PRKAR1B: variants seen among roughly 807,000 people sequenced by gnomAD.
PRKAR1B encodes the protein protein kinase cAMP-dependent type I regulatory subunit beta.
A neutral mutation model predicts 46.5 loss-of-function variants in PRKAR1B; 22 were observed. The observed-to-expected ratio is 0.47, with a 90% CI of 0.34 to 0.68. The LOEUF (loss-of-function observed/expected upper bound fraction) is 0.68. PRKAR1B is among the 30% of genes least tolerant of loss of function. PRKAR1B has a pLI of 0.01. For missense variants in PRKAR1B, 445 were observed against 535.6 expected, an observed-to-expected ratio of 0.83 and a Z score of 1.67; for synonymous variants, 259 against 217.7, an observed-to-expected ratio of 1.19 and a Z score of -1.67.
rs763428499 is a variant in PRKAR1B at position 550,552 on chromosome 7, G to A, written c.1024C>T (p.Arg342Trp). 1.9e-5 allele frequency: 31 copies of A among 1,600,408 alleles called. No homozygotes were observed. Among genetic ancestry groups the A allele is most frequent in the South Asian group, 3.3e-5 (3 of 89,570 alleles). ...NRPRAATVVARGPLKCVKLDR... is the reference protein window; with the variant it reads ...NRPRAATVVAWGPLKCVKLDR... ...AGCTTCACACACTTGAGGGGCCCCC[G>A]GGCCACGACAGTGGCCGCCCGGGGC... Residue 342 changes from arginine to tryptophan, a missense_variant, in exon 11 of 11, where the codon CGG becomes TGG. Physicochemically the swap from Arg to Trp is moderately radical, Grantham distance 101. This residue lies in a region of PRKAR1B where 127 missense variants were observed against 138.0 expected (regional missense o/e 0.92). Transcript: ENST00000537384.
Position 666,391 on chromosome 7 carries a change from C to T in PRKAR1B, c.440+10838G>A, listed in dbSNP as rs1471954309. 6.6e-6 allele frequency among the ~76,000 whole-genome samples: 1 copy of T among 152,294 alleles called. No individual in the cohort carries two copies. Among genetic ancestry groups the T allele is most frequent in the African/African-American group, 2.4e-5 (1 of 41,568 alleles). ...TTCCTGAGGCTGCTGAGGTCCCTGG[C>T]CGAGGCGTAACTGCCCCGGGCACCC... is the stretch of plus-strand genomic sequence containing the variant. On this transcript the variant is annotated intron_variant, in intron 4 of 10. Transcript: ENST00000537384. This position sits in a 1 kb window ranked among gnomAD's most constrained non-coding sequence, Gnocchi z 4.9.
intron 1 of PRKAR1B, chr7:716,686 A>G (rs572710373): frequency 2.0e-5 from 3 of 152,230 alleles, no homozygotes; most frequent in African/African-American, 7.2e-5. Flanking sequence ...TCTGGGGTGC[A>G]GAAAGGAAAC....
intron 4 of PRKAR1B, among the ~76,000 whole-genome samples, chr7:623,191 C>A (rs140789918): frequency 2.3e-3 from 346 of 152,306 alleles, no homozygotes; most frequent in African/African-American, 7.8e-3. Context: ...CCAAAAAATT[C>A]TCTCTAAATA....
intron 2 of PRKAR1B, among the ~76,000 whole-genome samples, chr7:695,718 T>C (rs901419344): frequency 5.3e-5 from 8 of 151,880 alleles, no homozygotes; most frequent in South Asian, 2.1e-4. Context: ...GGCTGGAGTG[T>C]AGTGGCGTGA....
chr7:656,450 T>C (rs1187153976), intron 4 of PRKAR1B, among the ~76,000 whole-genome samples: 7 of 152,182 alleles, frequency 4.6e-5, no homozygotes, highest in African/African-American at 1.7e-4. Context: ...GGTGAATGAA[T>C]GAGTGGATAA....
chr7:716,390 TC>T (rs1780886107), intron 1 of PRKAR1B, among the ~76,000 whole-genome samples: 1 of 151,996 alleles, frequency 6.6e-6, no homozygotes. Flanking sequence ...ACCACATACC[TC>T]GCACTTCTAA....
intron 4 of PRKAR1B, among the ~76,000 whole-genome samples, chr7:661,001 C>T (rs1386976658): frequency 2.7e-5 from 2 of 74,676 alleles, no homozygotes; most frequent in South Asian, 7.1e-4. Context: ...ATCCAAATAC[C>T]TACTCTCCCC....
chr7:567,918 C>T (rs1275521306), intron 9 of PRKAR1B, among the ~76,000 whole-genome samples: 1 of 152,058 alleles, frequency 6.6e-6, no homozygotes, highest in Non-Finnish European at 1.5e-5. Flanking sequence ...GACAGAGCTT[C>T]AGCCTGGGAA....
intron 6 of PRKAR1B, among the ~76,000 whole-genome samples, chr7:601,038 G>A (rs899513681): frequency 6.6e-6 from 1 of 152,180 alleles, no homozygotes; most frequent in Non-Finnish European, 1.5e-5. Flanking sequence ...GCTGGTCAGA[G>A]GGCAGCGTCC....
intron 4 of PRKAR1B, among the ~76,000 whole-genome samples, chr7:609,809 C>T (rs1035833557): frequency 6.6e-6 from 1 of 152,060 alleles, no homozygotes; most frequent in Non-Finnish European, 1.5e-5. Context: ...GGTGCGATCA[C>T]AGCTCACCGC....
At chr7:614,404 C>A (rs753286430) in intron 4 of PRKAR1B, among the ~76,000 whole-genome samples, 6 of 152,170 alleles carry the variant, frequency 3.9e-5, no homozygotes, top group African/African-American at 7.2e-5. Context: ...TGAACTTCAC[C>A]GCCACAGGCC....
intron 4 of PRKAR1B, among the ~76,000 whole-genome samples, chr7:673,796 G>A (rs73256219): frequency 3.5e-4 from 53 of 152,322 alleles, no homozygotes; most frequent in African/African-American, 1.2e-3. Context: ...GAAACGTATC[G>A]TCTCTGCAGT....
rs938764519 is a variant in PRKAR1B, at chr7:602,859, C to A, written c.549+3334G>T. 6.6e-6 allele frequency among the ~76,000 whole-genome samples: 1 copy of A among 152,142 alleles called. No homozygotes were observed. On this transcript the variant is annotated intron_variant, in intron 6 of 10. Coordinates refer to ENST00000537384, the MANE Select transcript of PRKAR1B (RefSeq NM_001164760.2). This position sits in a 1 kb window ranked among gnomAD's most constrained non-coding sequence, Gnocchi z 6.4. ...ATATGGAAATGGCACGGCTCAGCCA[C>A]ACAAGGGCCTGGGCAAAGGTCACGG...
chr7:616,250 G>C (rs1310861440), intron 4 of PRKAR1B, among the ~76,000 whole-genome samples: 1 of 152,226 alleles, frequency 6.6e-6, no homozygotes, highest in South Asian at 2.1e-4. Flanking sequence ...CTGACAAAAC[G>C]AGGTCACTCC....
rs1463200074 is a variant in PRKAR1B, at chr7:595,822, TCCATCA to T, written c.708+318_708+323del. 5.3e-5 allele frequency among the ~76,000 whole-genome samples: 8 copies of T among 152,140 alleles called. No individual in the cohort carries two copies. In the East Asian group the frequency reaches 1.3e-3, roughly 26 times the overall value. On this transcript the variant is annotated intron_variant, in intron 7 of 10. Coordinates refer to ENST00000537384, the MANE Select transcript of PRKAR1B (RefSeq NM_001164760.2). ...AACCACGCTCCTCACACCTCTTTGC[TCCATCA>T]CCATGGTGAGTGGGTTTCACGCTCA...
rs190198424 is a variant in PRKAR1B, at chr7:646,654, G to A, written c.440+30575C>T. Among the ~76,000 whole-genome samples the A allele has an allele frequency of 8.3e-3, 1,257 of 152,240 alleles. 16 individuals are homozygous for A. Among genetic ancestry groups the A allele is most frequent in the Middle Eastern group, 0.054 (16 of 294 alleles). ...AAACATCACTTAGAAATGGCTTCAC[G>A]CTTCTCCCTCTGAACCCCTGAACTC... On this transcript the variant is annotated intron_variant, in intron 4 of 10. Coordinates refer to ENST00000537384, the MANE Select transcript of PRKAR1B (RefSeq NM_001164760.2).
chr7:690,754 TCTCAGACG>T (rs1238657383), intron 2 of PRKAR1B, among the ~76,000 whole-genome samples: 4 of 152,104 alleles, frequency 2.6e-5, no homozygotes, highest in Admixed American at 2.0e-4. Context: ...GGCTGGTGCT[TCTCAGACG>T]CTCAGAGGCC....
chr7:633,210 T>G (rs1562576378), intron 4 of PRKAR1B, among the ~76,000 whole-genome samples: 1 of 152,064 alleles, frequency 6.6e-6, no homozygotes, highest in Non-Finnish European at 1.5e-5. Flanking sequence ...AAACACCAAG[T>G]GGAGAAAAGT....
chr7:613,067 A>C (rs533050459), intron 4 of PRKAR1B, among the ~76,000 whole-genome samples: 75 of 152,120 alleles, frequency 4.9e-4, no homozygotes, highest in African/African-American at 1.7e-3. Flanking sequence ...ACAAGGAATA[A>C]AGGTGTTCAC....
Sources: gnomAD v4.1 joint callset for allele counts (sites outside exome capture counted in the v4.1 genomes callset) on GRCh38, gnomAD v4.1.1 for gene constraint, gnomAD v4.1.1 regional missense constraint, Gnocchi (gnomAD v3.1) non-coding constraint, MANE v1.5 for transcripts, NCBI Gene and HGNC (gene_info 2026-07-23, HGNC 2026-07-21) for gene names.